ABCG2: variants seen among roughly 807,000 people sequenced by gnomAD.
ABCG2 encodes ATP binding cassette subfamily G member 2 (JR blood group), also known as broad substrate specificity ATP-binding cassette transporter ABCG2.
A neutral mutation model predicts 73.5 loss-of-function variants in ABCG2; 80 were observed. The ratio of observed to expected loss-of-function variants is 1.09; its 90% CI spans 0.91 to 1.31. The LOEUF (loss-of-function observed/expected upper bound fraction) is 1.31, where lower values mean the gene tolerates loss of function less well. Ranked by LOEUF, ABCG2 falls within the 50% of genes most tolerant of loss-of-function variation. The probability of loss-of-function intolerance (pLI) is 0.00; values close to 1 mark genes in which losing one functional copy is unlikely to be tolerated. For missense variants in ABCG2, 796 were observed against 786.2 expected (o/e 1.01, Z -0.15); for synonymous variants, 269 against 282.4 (o/e 0.95, Z 0.48).
intron 1 of ABCG2, among the ~76,000 whole-genome samples, chr4:88,197,182 T>C (rs2110111682): frequency 8.4e-6 from 1 of 119,720 alleles, no homozygotes; most frequent in South Asian, 3.6e-4. Flanking sequence ...GTACATCATG[T>C]CTGGCTTTCA....
intron 7 of ABCG2, among the ~76,000 whole-genome samples, chr4:88,115,599 C>T (rs377687537): frequency 3.9e-4 from 56 of 142,858 alleles, no homozygotes; most frequent in African/African-American, 9.9e-4. Context: ...CACAATATTT[C>T]GGCAATTCTT....
At position 88,165,873 on chromosome 4, in the gene ABCG2, C is replaced by CA. The variant is rs34377206; in HGVS notation, c.-19-25860dup. Among the ~76,000 whole-genome samples, 689 of 138,082 alleles carry CA rather than the reference C, an allele frequency of 5.0e-3. 12 individuals carry two copies. Among genetic ancestry groups the CA allele is most frequent in the East Asian group, 0.046 (219 of 4,804 alleles). 90.6% of individuals were successfully genotyped at this position (138,082 alleles called of 152,430 possible). A position where few individuals can be genotyped will look rare whatever the true frequency, so the allele number is the denominator to read the frequency against. ...TGGGCAACAGAGTGAGACTCCATCT[C>CA]AAAAAAAAAAAAGAGAGAGAGAAAA... On this transcript the variant is annotated intron_variant, in intron 1 of 15. Transcript: ENST00000515655.
chr4:88,141,343 A>G (rs1725629306), intron 1 of ABCG2, among the ~76,000 whole-genome samples: 1 of 152,168 alleles, frequency 6.6e-6, no homozygotes, highest in African/African-American at 2.4e-5. Context: ...ATTTGCACAC[A>G]AAAATTGTAC....
At chr4:88,130,143 G>C (rs931679648) in intron 5 of ABCG2, among the ~76,000 whole-genome samples, 1 of 152,140 alleles carries the variant, frequency 6.6e-6, no homozygotes, top group Non-Finnish European at 1.5e-5. Context: ...TAGAGCAGGG[G>C]TCCCCAACTT....
intron 1 of ABCG2, among the ~76,000 whole-genome samples, chr4:88,199,880 G>A (rs759123994): frequency 4.0e-5 from 6 of 151,808 alleles, no homozygotes; most frequent in Non-Finnish European, 5.9e-5. Context: ...GGGTGCCTGT[G>A]GTCCCAACTA....
intron 15 of ABCG2, 75 bp from the exon 16 acceptor site, chr4:88,092,456 C>T: frequency 6.9e-7 from 1 of 1,459,570 alleles, no homozygotes; most frequent in Admixed American, 2.3e-5. Context: ...TCCACTGTTC[C>T]TTAAAGGAGC....
rs1481136442 is a variant in ABCG2, at chr4:88,095,557, C to T, written c.1700G>A (p.Trp567Ter). The T allele has an allele frequency of 3.1e-6, 5 of 1,613,594 alleles. No individual in the cohort carries two copies. The highest frequency in any genetic ancestry group is 4.2e-6 in the Non-Finnish European group (5 of 1,179,732). Residue 567 changes from tryptophan (W) to a stop codon, truncating the protein, a stop_gained, in exon 14 of 16, where the codon TGG becomes TAG. Transcript: ENST00000237612. LOFTEE classifies it high-confidence loss of function. ...TCGTGGAATGCTGAAGTACTGAAGC[C>T]ATGACAGCCAAGATGCAATGGTTGT... ...NLTTIASWLS[W>*]LQYFSIPRYG...
At chr4:88,171,158 C>T (rs978304422) in intron 1 of ABCG2, among the ~76,000 whole-genome samples, 4 of 151,582 alleles carry the variant, frequency 2.6e-5, no homozygotes, top group African/African-American at 4.9e-5. Flanking sequence ...GAAAAAATAA[C>T]TTGGGTACTG....
At chr4:88,195,940 G>A (rs1728926038) in intron 1 of ABCG2, among the ~76,000 whole-genome samples, 2 of 152,216 alleles carry the variant, frequency 1.3e-5, no homozygotes, top group South Asian at 4.1e-4. Flanking sequence ...CTTAGTGCAT[G>A]TGCTTGATTG....
intron 9 of ABCG2, among the ~76,000 whole-genome samples, chr4:88,111,228 A>G (rs1723113033): frequency 7.3e-6 from 1 of 137,404 alleles, no homozygotes; most frequent in South Asian, 2.3e-4. Context: ...CATACATCAC[A>G]CTAAAAAAGC....
intron 8 of ABCG2, among the ~76,000 whole-genome samples, chr4:88,114,504 G>A (rs540611658): frequency 1.6e-3 from 244 of 152,008 alleles, no homozygotes; most frequent in African/African-American, 5.4e-3. Context: ...GCACAGGCTT[G>A]TAATTCTAGT....
intron 1 of ABCG2, among the ~76,000 whole-genome samples, chr4:88,149,022 C>CTGCAGGA (rs1206099736): frequency 1.3e-5 from 2 of 152,172 alleles, no homozygotes; most frequent in African/African-American, 4.8e-5. Context: ...CCACAAAAAT[C>CTGCAGGA]TGCAGGAATT....
intron 13 of ABCG2, among the ~76,000 whole-genome samples, chr4:88,095,830 C>G (rs2231160): frequency 2.3e-3 from 357 of 152,258 alleles, no homozygotes; most frequent in African/African-American, 8.0e-3. Flanking sequence ...AAAGGAAGAA[C>G]AAAATATCTA....
chr4:88,228,761 GCACCAATCAGCACTCTGTAAAAACA>G (rs1284336481), intron 1 of ABCG2, among the ~76,000 whole-genome samples: 3 of 152,020 alleles, frequency 2.0e-5, no homozygotes, highest in Non-Finnish European at 4.4e-5. Flanking sequence ...GATTGTAAAT[GCACCAATCAGCACTCTGTAAAAACA>G]CACCAATCAG....
intron 10 of ABCG2, among the ~76,000 whole-genome samples, chr4:88,102,138 T>C (rs964383749): frequency 6.6e-6 from 1 of 152,198 alleles, no homozygotes; most frequent in Non-Finnish European, 1.5e-5. Context: ...AGCAGGGCCG[T>C]GACATTATCC....
chr4:88,223,879 T>TA (rs1730099360), intron 1 of ABCG2: 1 of 151,914 alleles, frequency 6.6e-6, no homozygotes, highest in Admixed American at 6.6e-5. Context: ...GGCATTTTTT[T>TA]TTTTTTTCAA....
At chr4:88,132,663 C>T (rs368078873) in intron 2 of ABCG2, 28 bp from the exon 3 acceptor site, 19 of 1,612,506 alleles carry the variant, frequency 1.2e-5, no homozygotes, top group Non-Finnish European at 1.4e-5. Flanking sequence ...GACTGATTTA[C>T]TATTCCATTT....
intron 9 of ABCG2, among the ~76,000 whole-genome samples, chr4:88,109,378 A>AT (rs1340098286): frequency 1.3e-5 from 2 of 152,212 alleles, no homozygotes; most frequent in Admixed American, 6.5e-5. Context: ...ACTGAGTATT[A>AT]TGATTAAGAT....
chr4:88,179,075 A>G (rs1190448919), intron 1 of ABCG2, among the ~76,000 whole-genome samples: 2 of 150,490 alleles, frequency 1.3e-5, no homozygotes, highest in African/African-American at 2.4e-5. Flanking sequence ...AGTGGTTACC[A>G]TGGGCCTTAG....
Sources: allele counts gnomAD v4.1 joint callset (sites outside exome capture counted in the v4.1 genomes callset), GRCh38; gene constraint gnomAD v4.1.1; transcripts MANE v1.5; gene names NCBI Gene and HGNC (gene_info 2026-07-23, HGNC 2026-07-21).